The following HPSE2 variants were observed in gnomAD, a reference collection of about 807,000 sequenced individuals.
HPSE2 encodes heparanase 2 (inactive).
A neutral mutation model predicts 60.5 loss-of-function variants in HPSE2; 38 were observed. That is an observed-to-expected ratio of 0.63 (90% CI 0.48 to 0.82). The LOEUF (loss-of-function observed/expected upper bound fraction) is 0.82, where lower values mean the gene tolerates loss of function less well. Among genes scored for constraint, HPSE2 ranks in the 40% least tolerant of loss-of-function variants. The pLI is 0.00. For synonymous variants in HPSE2, 295 were observed against 293.2 expected (o/e 1.01, Z -0.06); for missense variants, 713 against 740.4 (o/e 0.96, Z 0.43).
At chr10:99,179,862 TACTGAAAGCC>T (rs1051248414) in intron 2 of HPSE2, among the ~76,000 whole-genome samples, 3 of 151,968 alleles carry the variant, frequency 2.0e-5, no homozygotes, top group African/African-American at 7.2e-5. Context: ...CTTCAAACTA[TACTGAAAGCC>T]ACAGTAACCA....
chr10:98,887,940 A>T (rs943683232), intron 3 of HPSE2, among the ~76,000 whole-genome samples: 1 of 145,962 alleles, frequency 6.9e-6, no homozygotes, highest in African/African-American at 2.5e-5. Context: ...ATAATAAAAT[A>T]AAAAATTAAA....
chr10:98,656,374 C>T lies in HPSE2; in HGVS notation c.1005-14434G>A, dbSNP rs576861830. On this transcript the variant is annotated intron_variant, in intron 6 of 11. Coordinates refer to ENST00000370552, the MANE Select transcript of HPSE2 (RefSeq NM_021828.5). The stretch of plus-strand genomic sequence containing the variant: ...TGCTGGGATTACAGGTGTGAGCCAC[C>T]ATGCCCAGCCTTGAGTTTGATTTTC... 2.6e-5 allele frequency among the ~76,000 whole-genome samples: 4 copies of T among 152,286 alleles called. No individual in the cohort carries two copies. The South Asian group carries it at 6.2e-4, about 24-fold the overall frequency.
At chr10:99,032,405 C>A (rs550800286) in intron 3 of HPSE2, among the ~76,000 whole-genome samples, 6 of 152,162 alleles carry the variant, frequency 3.9e-5, no homozygotes, top group Non-Finnish European at 1.5e-5. Flanking sequence ...ATCTTCAACA[C>A]GAATTCCATG....
chr10:99,045,345 T>C (rs903009862), intron 3 of HPSE2, among the ~76,000 whole-genome samples: 1 of 152,082 alleles, frequency 6.6e-6, no homozygotes, highest in Non-Finnish European at 1.5e-5. Context: ...ATCTCTGGAA[T>C]GCAGCTAAAA....
intron 3 of HPSE2, among the ~76,000 whole-genome samples, chr10:98,860,402 T>C (rs1302792122): frequency 2.0e-5 from 3 of 152,192 alleles, no homozygotes; most frequent in African/African-American, 7.2e-5. Flanking sequence ...CCTTTGCTCA[T>C]GCTGTTCAGT....
intron 3 of HPSE2, chr10:99,013,171 A>C: frequency 1.5e-6 from 1 of 669,014 alleles, no homozygotes; most frequent in Non-Finnish European, 2.8e-6. Context: ...AGAGAACAGC[A>C]TGCCTGGATA....
At chr10:98,497,832 A>AT (rs987397526) in intron 9 of HPSE2, among the ~76,000 whole-genome samples, 1 of 152,108 alleles carries the variant, frequency 6.6e-6, no homozygotes, top group Non-Finnish European at 1.5e-5. Context: ...GTTGCAGAGA[A>AT]TTTTGAAGCT....
chr10:98,688,342 A>G (rs1184642433), intron 6 of HPSE2, among the ~76,000 whole-genome samples: 1 of 152,000 alleles, frequency 6.6e-6, no homozygotes, highest in Admixed American at 6.6e-5. Context: ...TAAATTGGGG[A>G]AAAAGTAGCC....
intron 9 of HPSE2, among the ~76,000 whole-genome samples, chr10:98,567,053 A>G (rs909168334): frequency 2.0e-5 from 3 of 152,200 alleles, no homozygotes; most frequent in East Asian, 1.9e-4. Flanking sequence ...CAGTGCACAG[A>G]TATCTCTTGG....
chr10:98,548,981 C>T (rs1943779255), intron 9 of HPSE2, among the ~76,000 whole-genome samples: 1 of 152,138 alleles, frequency 6.6e-6, no homozygotes, highest in Non-Finnish European at 1.5e-5. Context: ...CACCTTCTTT[C>T]GCCCACTTGC....
chr10:98,833,358 C>T (rs952797333), intron 3 of HPSE2, among the ~76,000 whole-genome samples: 2 of 152,128 alleles, frequency 1.3e-5, no homozygotes, highest in African/African-American at 4.8e-5. Flanking sequence ...ATACATGTGC[C>T]AAAGTCTTCT....
chr10:99,168,229 G>A (rs143955185), intron 2 of HPSE2, among the ~76,000 whole-genome samples: 3 of 151,882 alleles, frequency 2.0e-5, no homozygotes, highest in African/African-American at 7.3e-5. Flanking sequence ...TCTCCATGTA[G>A]GTCTTCATGT....
At chr10:98,615,809 G>A (rs1031408009) in intron 8 of HPSE2, among the ~76,000 whole-genome samples, 1 of 152,088 alleles carries the variant, frequency 6.6e-6, no homozygotes, top group African/African-American at 2.4e-5. Flanking sequence ...GAAACTTAGG[G>A]AAACTTCTAC....
intron 4 of HPSE2, among the ~76,000 whole-genome samples, chr10:98,730,119 T>C (rs528214748): frequency 6.6e-6 from 1 of 152,180 alleles, no homozygotes; most frequent in African/African-American, 2.4e-5. Context: ...ATCTCATAAA[T>C]TTAAAAGGAT....
Position 98,721,639 on chromosome 10 carries a change from C to A in HPSE2, c.956+18G>T. 2 of 1,610,262 alleles carry A rather than the reference C, an allele frequency of 1.2e-6. No individual in the cohort carries two copies. The highest frequency in any genetic ancestry group is 1.7e-6 in the Non-Finnish European group (2 of 1,177,516). On this transcript the variant is annotated intron_variant, in intron 5 of 11. Coordinates refer to ENST00000370552, the MANE Select transcript of HPSE2 (RefSeq NM_021828.5). Reference sequence around the variant, plus strand: ...TAAATGAACAATGTCATAAGAAAAGCTAAATAATCTGACCTACCCATCTAG... The same window carrying A: ...TAAATGAACAATGTCATAAGAAAAGATAAATAATCTGACCTACCCATCTAG...
Position 98,457,118 on chromosome 10 carries a change from TAAAC to T in HPSE2, c.*2452_*2455del, listed in dbSNP as rs1167669955. The T allele has an allele frequency of 1.3e-5, 2 of 152,154 alleles. No individual in the cohort carries two copies. The highest frequency in any genetic ancestry group is 2.9e-5 in the Non-Finnish European group (2 of 68,020). 9.4% of individuals were successfully genotyped at this position (152,154 alleles called of 1,614,324 possible). A position where few individuals can be genotyped will look rare whatever the true frequency, so the allele number is the denominator to read the frequency against. Reference sequence around the variant, plus strand: ...CCTCTTCCTTTTATTAACTAAAAAATAAACAAAACTTAAATCTCGTGAGAGCAGC... The same window carrying T: ...CCTCTTCCTTTTATTAACTAAAAAATAAAACTTAAATCTCGTGAGAGCAGC... On this transcript the variant is annotated 3_prime_UTR_variant, in exon 12 of 12. Coordinates refer to ENST00000370552, the MANE Select transcript of HPSE2 (RefSeq NM_021828.5).
At chr10:98,477,646 C>T (rs528992925) in intron 11 of HPSE2, among the ~76,000 whole-genome samples, 56 of 152,306 alleles carry the variant, frequency 3.7e-4, no homozygotes, top group African/African-American at 1.3e-3. Context: ...TAAGTCCTTT[C>T]GATTTTAGAT....
chr10:99,045,096 A>G (rs1957825348), intron 3 of HPSE2, among the ~76,000 whole-genome samples: 1 of 152,228 alleles, frequency 6.6e-6, no homozygotes, highest in African/African-American at 2.4e-5. Context: ...ATATTCTAAG[A>G]TGAACCACAT....
chr10:98,762,736 T>C (rs1950034365), intron 3 of HPSE2, among the ~76,000 whole-genome samples: 1 of 151,826 alleles, frequency 6.6e-6, no homozygotes, highest in Non-Finnish European at 1.5e-5. Context: ...GGGACACAGG[T>C]TCTGACAATG....
Sources: allele counts gnomAD v4.1 joint callset (sites outside exome capture counted in the v4.1 genomes callset), GRCh38; gene constraint gnomAD v4.1.1; transcripts MANE v1.5; gene names NCBI Gene and HGNC (gene_info 2026-07-23, HGNC 2026-07-21).